KCNIP4: variants seen among roughly 807,000 people sequenced by gnomAD.
The protein encoded by KCNIP4 is Kv channel-interacting protein 4.
A neutral mutation model predicts 34.0 loss-of-function variants in KCNIP4; 12 were observed. The observed-to-expected ratio is 0.35, with a 90% CI of 0.23 to 0.57. The LOEUF is 0.57. Among genes scored for constraint, KCNIP4 ranks in the 20% least tolerant of loss-of-function variants. The probability of loss-of-function intolerance (pLI) is 0.83; values close to 1 mark genes in which losing one functional copy is unlikely to be tolerated. For missense variants in KCNIP4, 238 were observed against 311.7 expected, an observed-to-expected ratio of 0.76 and a Z score of 1.78; for synonymous variants, 124 against 102.2, an observed-to-expected ratio of 1.21 and a Z score of -1.29.
intron 1 of KCNIP4, among the ~76,000 whole-genome samples, chr4:21,674,952 T>C (rs754236587): frequency 7.9e-5 from 12 of 152,164 alleles, no homozygotes; most frequent in African/African-American, 9.6e-5. Flanking sequence ...AAGATGCCCA[T>C]AAAAATCTCC....
chr4:20,794,310 T>C (rs1713168313), intron 3 of KCNIP4, among the ~76,000 whole-genome samples: 2 of 152,148 alleles, frequency 1.3e-5, no homozygotes, highest in African/African-American at 4.8e-5. Flanking sequence ...GGCAGTAATG[T>C]GAGCAATTGG....
intron 1 of KCNIP4, among the ~76,000 whole-genome samples, chr4:21,198,704 T>A (rs1003134101): frequency 2.0e-5 from 3 of 152,230 alleles, no homozygotes; most frequent in Non-Finnish European, 2.9e-5. Flanking sequence ...TGTTTTGTTC[T>A]GCTGGAGCCT....
At chr4:20,864,852 T>C (rs1722710253) in intron 2 of KCNIP4, among the ~76,000 whole-genome samples, 1 of 152,136 alleles carries the variant, frequency 6.6e-6, no homozygotes, top group Non-Finnish European at 1.5e-5. Context: ...TTTTCATTCC[T>C]ACTGCAGCAC....
chr4:21,188,240 T>C (rs1755382698), intron 1 of KCNIP4, among the ~76,000 whole-genome samples: 3 of 152,286 alleles, frequency 2.0e-5, no homozygotes, highest in Non-Finnish European at 4.4e-5. Flanking sequence ...AGGAGGACAG[T>C]TTTGTGCTGG....
intron 4 of KCNIP4, among the ~76,000 whole-genome samples, chr4:20,750,711 C>A (rs73240297): frequency 9.9e-5 from 15 of 152,058 alleles, no homozygotes; most frequent in East Asian, 1.9e-4. Context: ...CTTTGCTTGA[C>A]CCTTGATAAA....
intron 1 of KCNIP4, among the ~76,000 whole-genome samples, chr4:21,520,096 C>T (rs562868544): frequency 2.4e-4 from 37 of 151,952 alleles, no homozygotes; most frequent in African/African-American, 7.0e-4. Flanking sequence ...TCACGTTTTT[C>T]GGCCTGCTTT....
At chr4:20,986,023 C>T (rs1220869887) in intron 1 of KCNIP4, among the ~76,000 whole-genome samples, 1 of 152,140 alleles carries the variant, frequency 6.6e-6, no homozygotes, top group Non-Finnish European at 1.5e-5. Context: ...TAAGAATTAA[C>T]TAAGTCTGCG....
chr4:21,501,393 C>G (rs948127536), intron 1 of KCNIP4, among the ~76,000 whole-genome samples: 1 of 151,778 alleles, frequency 6.6e-6, no homozygotes, highest in African/African-American at 2.4e-5. Context: ...ACAGTACTAC[C>G]CTCTTACCTT....
chr4:20,738,437 A>G (rs965344071), intron 5 of KCNIP4, among the ~76,000 whole-genome samples: 2 of 152,194 alleles, frequency 1.3e-5, no homozygotes, highest in Non-Finnish European at 2.9e-5. Flanking sequence ...ATTATGATTC[A>G]TTAGGTTGAA....
chr4:20,965,213 T>C (rs1471128667), intron 1 of KCNIP4, among the ~76,000 whole-genome samples: 1 of 152,186 alleles, frequency 6.6e-6, no homozygotes, highest in Non-Finnish European at 1.5e-5. Flanking sequence ...GTCTATCCTA[T>C]ATTCCTGCCA....
intron 1 of KCNIP4, among the ~76,000 whole-genome samples, chr4:21,079,819 G>A (rs1371515147): frequency 6.6e-6 from 1 of 151,716 alleles, no homozygotes; most frequent in Non-Finnish European, 1.5e-5. Context: ...TGTGATACCA[G>A]GAAGCAGAGG....
intron 1 of KCNIP4, among the ~76,000 whole-genome samples, chr4:21,837,246 A>G (rs1723385654): frequency 6.7e-6 from 1 of 148,836 alleles, no homozygotes; most frequent in East Asian, 2.2e-4. Flanking sequence ...CAAAAGAAAG[A>G]GGCATGGCCA....
intron 3 of KCNIP4, among the ~76,000 whole-genome samples, chr4:20,782,091 T>A (rs1463650759): frequency 6.6e-6 from 1 of 152,178 alleles, no homozygotes; most frequent in African/African-American, 2.4e-5. Context: ...TCCAAAATGA[T>A]GTCCTTTTAT....
At chr4:21,177,437 C>T (rs1754493868) in intron 1 of KCNIP4, among the ~76,000 whole-genome samples, 1 of 152,144 alleles carries the variant, frequency 6.6e-6, no homozygotes, top group South Asian at 2.1e-4. Context: ...TCTCCTTCAA[C>T]TCTCTACTTC....
At chr4:21,726,415 A>G (rs1243706934) in intron 1 of KCNIP4, among the ~76,000 whole-genome samples, 1 of 152,214 alleles carries the variant, frequency 6.6e-6, no homozygotes, top group Admixed American at 6.5e-5. Flanking sequence ...CTAGGCATAA[A>G]GATAAGTCTC....
At chr4:21,591,222 C>T (rs1385961945) in intron 1 of KCNIP4, among the ~76,000 whole-genome samples, 1 of 151,904 alleles carries the variant, frequency 6.6e-6, no homozygotes, top group African/African-American at 2.4e-5. Context: ...TAGGAATGAA[C>T]ATTTTACTTC....
intron 1 of KCNIP4, among the ~76,000 whole-genome samples, chr4:21,640,497 A>G (rs1746538871): frequency 6.6e-6 from 1 of 152,160 alleles, no homozygotes; most frequent in African/African-American, 2.4e-5. Context: ...CAGTCTCCCT[A>G]AACCTTGGAA....
At chr4:20,778,818 A>C (rs1218376232) in intron 3 of KCNIP4, among the ~76,000 whole-genome samples, 1 of 152,186 alleles carries the variant, frequency 6.6e-6, no homozygotes, top group Non-Finnish European at 1.5e-5. Context: ...TAGGAATTTT[A>C]TGTAAGAGTA....
chr4:20,969,504 G>C (rs1293762007), intron 1 of KCNIP4, among the ~76,000 whole-genome samples: 1 of 152,030 alleles, frequency 6.6e-6, no homozygotes, highest in Non-Finnish European at 1.5e-5. Context: ...ATTACAGTGG[G>C]ACAGGTAAAT....
Sources: gnomAD v4.1 joint callset for allele counts (sites outside exome capture counted in the v4.1 genomes callset) on GRCh38, gnomAD v4.1.1 for gene constraint, MANE v1.5 for transcripts, NCBI Gene and HGNC (gene_info 2026-07-23, HGNC 2026-07-21) for gene names.